The following SHISA9 variants were observed in gnomAD, a reference collection of about 807,000 sequenced individuals.
SHISA9 encodes the protein shisa family member 9.
Under a neutral mutation model 38.0 loss-of-function variants are expected in SHISA9, and 13 were observed. That is an observed-to-expected ratio of 0.34 (90% CI 0.22 to 0.54). The LOEUF is 0.54. Ranked by LOEUF, SHISA9 falls within the 20% of genes least tolerant of loss-of-function variation. The pLI is 0.91. For missense variants in SHISA9, 538 were observed against 575.8 expected (o/e 0.93, Z 0.67); for synonymous variants, 275 against 242.0 (o/e 1.14, Z -1.27).
intron 2 of SHISA9, among the ~76,000 whole-genome samples, chr16:12,985,355 C>T (rs1216896938): frequency 1.3e-5 from 2 of 152,074 alleles, no homozygotes; most frequent in Non-Finnish European, 2.9e-5. Flanking sequence ...TTCTCTGTTA[C>T]CACTTATTTC....
chr16:13,529,969 CT>C, the SHISA9 span, among the ~76,000 whole-genome samples: 474 of 152,316 alleles, frequency 3.1e-3, 1 homozygote, highest in Non-Finnish European at 4.7e-3. Flanking sequence ...TTACTACAGA[CT>C]TTTGGGAGTC....
chr16:13,533,939 G>A, the SHISA9 span, among the ~76,000 whole-genome samples: 1 of 151,640 alleles, frequency 6.6e-6, no homozygotes, highest in Non-Finnish European at 1.5e-5. Flanking sequence ...GCCTGCCACT[G>A]CGCCCAGCTA....
chr16:13,386,619 C>A, the SHISA9 span, among the ~76,000 whole-genome samples: 2 of 152,134 alleles, frequency 1.3e-5, no homozygotes, highest in African/African-American at 2.4e-5. Context: ...TTATTATACA[C>A]GTATCTTTGA....
At chr16:13,248,171 G>T in the SHISA9 span, among the ~76,000 whole-genome samples, 33 of 152,226 alleles carry the variant, frequency 2.2e-4, no homozygotes, top group South Asian at 6.7e-3. Flanking sequence ...CCTCATGGGG[G>T]TTTGATTCTT....
At chr16:13,185,731 A>G (rs2050815069) in intron 2 of SHISA9, among the ~76,000 whole-genome samples, 1 of 152,166 alleles carries the variant, frequency 6.6e-6, no homozygotes, top group African/African-American at 2.4e-5. Context: ...AGTACCCAGA[A>G]TGATGCCTAG....
chr16:13,296,687 TCAAGACCAGCCTGGC>T, the SHISA9 span, among the ~76,000 whole-genome samples: 3 of 151,810 alleles, frequency 2.0e-5, no homozygotes, highest in African/African-American at 7.3e-5. Flanking sequence ...GATCAGGAGT[TCAAGACCAGCCTGGC>T]CAACATGGTA....
Position 12,901,964 on chromosome 16 carries a change from C to A in SHISA9, c.-101C>A. 2 of 1,044,364 alleles carry A rather than the reference C, an allele frequency of 1.9e-6. No homozygotes were observed. The highest frequency in any genetic ancestry group is 2.5e-6 in the Non-Finnish European group (2 of 805,670). The allele number at this position is 1,044,364 out of a possible 1,614,324, so 64.7% of individuals were successfully genotyped here. The stretch of plus-strand genomic sequence containing the variant: ...TGCATGTGCGGCCCGCGGCGGCTCG[C>A]AGCTCCCGGCAGCAGCCTCGGCAGC... On this transcript the variant is annotated 5_prime_UTR_variant, in exon 1 of 5. Coordinates refer to ENST00000558583, the MANE Select transcript of SHISA9 (RefSeq NM_001145204.3).
At chr16:13,264,699 G>A in the SHISA9 span, among the ~76,000 whole-genome samples, 3 of 151,998 alleles carry the variant, frequency 2.0e-5, no homozygotes, top group South Asian at 6.3e-4. Context: ...AGTTAGTAGT[G>A]AGCTCTGGTT....
chr16:13,516,670 G>A, the SHISA9 span, among the ~76,000 whole-genome samples: 1 of 151,950 alleles, frequency 6.6e-6, no homozygotes, highest in Non-Finnish European at 1.5e-5. Context: ...CATGGTGGCA[G>A]GCACCTGTAA....
the SHISA9 span, among the ~76,000 whole-genome samples, chr16:13,437,443 A>G: frequency 1.3e-5 from 2 of 152,202 alleles, no homozygotes; most frequent in African/African-American, 2.4e-5. Context: ...GACATTATCA[A>G]TATTCCAATT....
chr16:12,929,959 G>GT (rs1243948784), intron 2 of SHISA9, among the ~76,000 whole-genome samples: 2 of 152,008 alleles, frequency 1.3e-5, no homozygotes, highest in Non-Finnish European at 2.9e-5. Context: ...TTATCTTTTT[G>GT]GGGGGCCTTA....
rs1555504252 is a variant in SHISA9 at position 12,970,408 on chromosome 16, T to TATGTATATATATATGCACAC, written c.691+53595_691+53596insGTATATATATATGCACACAT. The stretch of plus-strand genomic sequence containing the variant: ...ATATATGTATATATATATATACATA[T>TATGTATATATATATGCACAC]ATATATATACACATATATGTATATA... On this transcript the variant is annotated intron_variant, in intron 2 of 4. Transcript: ENST00000558583. Among the ~76,000 whole-genome samples, 17 of 5,008 alleles carry TATGTATATATATATGCACAC rather than the reference T, an allele frequency of 3.4e-3. 1 individual carries two copies. The highest frequency in any genetic ancestry group is 6.7e-3 in the African/African-American group (17 of 2,520). The allele number at this position is 5,008 out of a possible 152,430, so 3.3% of individuals were successfully genotyped here. A position where few individuals can be genotyped will look rare whatever the true frequency, so the allele number is the denominator to read the frequency against.
At chr16:13,547,855 T>TGG in the SHISA9 span, among the ~76,000 whole-genome samples, 3 of 126,644 alleles carry the variant, frequency 2.4e-5, no homozygotes, top group African/African-American at 8.3e-5. Flanking sequence ...TTCACAGAAA[T>TGG]AGAAAAAAAA....
chr16:13,177,923 C>T (rs933554852), intron 2 of SHISA9, among the ~76,000 whole-genome samples: 5 of 152,172 alleles, frequency 3.3e-5, no homozygotes, highest in Non-Finnish European at 2.9e-5. Flanking sequence ...CTGCCTTGGC[C>T]TCCCAAAGTG....
intron 2 of SHISA9, among the ~76,000 whole-genome samples, chr16:13,048,538 C>T (rs1344181383): frequency 1.3e-5 from 2 of 152,192 alleles, no homozygotes; most frequent in African/African-American, 4.8e-5. Context: ...TCTCCTGCCT[C>T]AGGCTCCTGA....
chr16:13,122,396 C>T (rs2050219751), intron 2 of SHISA9, among the ~76,000 whole-genome samples: 2 of 152,154 alleles, frequency 1.3e-5, no homozygotes, highest in African/African-American at 2.4e-5. Context: ...CTCATCCTTC[C>T]TAAATGCTGG....
intron 2 of SHISA9, among the ~76,000 whole-genome samples, chr16:13,143,483 A>AGTGGGTCAGCTGC (rs1429487592): frequency 6.6e-6 from 1 of 152,216 alleles, no homozygotes; most frequent in Non-Finnish European, 1.5e-5. Context: ...AGGAAAGGCC[A>AGTGGGTCAGCTGC]GTGGGTCAGC....
the SHISA9 span, among the ~76,000 whole-genome samples, chr16:13,296,396 C>T: frequency 6.6e-6 from 1 of 151,594 alleles, no homozygotes; most frequent in African/African-American, 2.4e-5. Context: ...TTGTTATTTG[C>T]TGTGCGTGCT....
chr16:13,189,452 C>T (rs2050861560), intron 2 of SHISA9, among the ~76,000 whole-genome samples: 1 of 152,230 alleles, frequency 6.6e-6, no homozygotes, highest in African/African-American at 2.4e-5. Flanking sequence ...TGCTGTGTGA[C>T]TTTGGGAAAG....
Sources: allele counts gnomAD v4.1 joint callset (sites outside exome capture counted in the v4.1 genomes callset), GRCh38; gene constraint gnomAD v4.1.1; transcripts MANE v1.5; gene names NCBI Gene and HGNC (gene_info 2026-07-23, HGNC 2026-07-21).